UNC13C: variants seen among roughly 807,000 people sequenced by gnomAD.
The protein encoded by UNC13C is unc-13 homolog C, also known as protein unc-13 homolog C.
Under a neutral mutation model 245.4 loss-of-function variants are expected in UNC13C, and 174 were observed. The observed-to-expected ratio is 0.71, with a 90% CI of 0.63 to 0.80. UNC13C has a LOEUF of 0.80. UNC13C is among the 30% of genes least tolerant of loss of function. UNC13C has a pLI of 0.00. For missense variants in UNC13C, 2,829 were observed against 2,602.9 expected (o/e 1.09, Z -1.89); for synonymous variants, 992 against 895.1 (o/e 1.11, Z -1.93).
intron 1 of UNC13C, among the ~76,000 whole-genome samples, chr15:53,997,758 G>A (rs1894701575): frequency 1.3e-5 from 2 of 151,786 alleles, no homozygotes; most frequent in African/African-American, 4.8e-5. Flanking sequence ...AGTAAATTTT[G>A]AAATTAGGTA....
At chr15:54,435,545 G>T (rs1203789325) in intron 19 of UNC13C, among the ~76,000 whole-genome samples, 2 of 151,600 alleles carry the variant, frequency 1.3e-5, no homozygotes, top group African/African-American at 4.8e-5. Context: ...CATGAACACA[G>T]GGAGGAGAAC....
intron 1 of UNC13C, among the ~76,000 whole-genome samples, chr15:53,994,770 G>T (rs950775964): frequency 6.6e-6 from 1 of 152,162 alleles, no homozygotes; most frequent in East Asian, 1.9e-4. Flanking sequence ...AATGTGTATA[G>T]TATAGTGTCT....
chr15:54,323,803 A>G (rs572491304), intron 14 of UNC13C, among the ~76,000 whole-genome samples: 2 of 152,222 alleles, frequency 1.3e-5, no homozygotes, highest in Admixed American at 1.3e-4. Flanking sequence ...AGCATGCTGC[A>G]CTATGAAATT....
chr15:54,622,954 G>A (rs959839204), intron 31 of UNC13C, among the ~76,000 whole-genome samples: 1 of 151,896 alleles, frequency 6.6e-6, no homozygotes, highest in Admixed American at 6.6e-5. Flanking sequence ...GCAAAACTAG[G>A]GCTGCCCAAT....
chr15:54,187,602 C>G (rs114277036), intron 4 of UNC13C, among the ~76,000 whole-genome samples: 3,313 of 152,250 alleles, frequency 0.022, 136 homozygotes, highest in African/African-American at 0.076. Flanking sequence ...CTCCTCTTCA[C>G]TGAATCTCTC....
At chr15:54,142,461 A>G (rs2032066494) in intron 2 of UNC13C, among the ~76,000 whole-genome samples, 1 of 152,228 alleles carries the variant, frequency 6.6e-6, no homozygotes. Flanking sequence ...TATGTGTAAG[A>G]TGGAATCAAC....
intron 14 of UNC13C, among the ~76,000 whole-genome samples, chr15:54,326,369 T>A (rs1485219885): frequency 1.3e-5 from 2 of 152,082 alleles, no homozygotes; most frequent in African/African-American, 4.8e-5. Context: ...ACTGAAAGTG[T>A]CATTTGCTGT....
chr15:53,910,114 A>G, the UNC13C span, among the ~76,000 whole-genome samples: 252 of 142,126 alleles, frequency 1.8e-3, 15 homozygotes, highest in African/African-American at 6.1e-3. Context: ...GCTTGAATTA[A>G]AAACTTTTTT....
the UNC13C span, among the ~76,000 whole-genome samples, chr15:53,930,605 A>G: frequency 3.3e-5 from 5 of 152,152 alleles, no homozygotes; most frequent in Non-Finnish European, 2.9e-5. Context: ...AAAACACCCT[A>G]TTGGTCTGTC....
chr15:54,071,631 A>G (rs529593609), intron 2 of UNC13C, among the ~76,000 whole-genome samples: 3 of 152,158 alleles, frequency 2.0e-5, no homozygotes, highest in African/African-American at 7.2e-5. Flanking sequence ...ACAGCAAGAT[A>G]AGAATGGTTC....
intron 2 of UNC13C, among the ~76,000 whole-genome samples, chr15:54,122,366 T>C (rs1467502052): frequency 6.6e-6 from 1 of 152,080 alleles, no homozygotes; most frequent in African/African-American, 2.4e-5. Context: ...TGTGAATAAA[T>C]GTTTAATTTT....
At chr15:54,574,119 C>T (rs576095522) in intron 30 of UNC13C, among the ~76,000 whole-genome samples, 2 of 152,118 alleles carry the variant, frequency 1.3e-5, no homozygotes, top group East Asian at 3.9e-4. Flanking sequence ...ACCACATAAC[C>T]CCCTATTTTA....
rs571331541 is a variant in UNC13C, at chr15:54,244,736, G to A, written c.3229-5489G>A. ...GTATTTTATTCTTTTTGTAGCAATTGTGAATGGGAGTCTGTTCACAATTTG... is the reference window on the plus strand; with the variant it reads ...GTATTTTATTCTTTTTGTAGCAATTATGAATGGGAGTCTGTTCACAATTTG... On this transcript the variant is annotated intron_variant, in intron 7 of 32. Transcript: ENST00000260323. 1.5e-3 allele frequency among the ~76,000 whole-genome samples: 232 copies of A among 152,220 alleles called. 1 individual carries two copies. Among genetic ancestry groups the A allele is most frequent in the African/African-American group, 5.4e-3 (223 of 41,532 alleles).
chr15:54,028,936 A>G (rs910936982), intron 2 of UNC13C, among the ~76,000 whole-genome samples: 1 of 152,160 alleles, frequency 6.6e-6, no homozygotes, highest in East Asian at 1.9e-4. Flanking sequence ...TACATAAAAG[A>G]TGAATTTTCA....
At chr15:54,059,671 C>T (rs1460580755) in intron 2 of UNC13C, among the ~76,000 whole-genome samples, 8 of 152,024 alleles carry the variant, frequency 5.3e-5, no homozygotes, top group African/African-American at 1.9e-4. Flanking sequence ...CAATCCTAAG[C>T]CAAAAAAACA....
At chr15:54,223,267 G>A (rs369942924) in intron 4 of UNC13C, among the ~76,000 whole-genome samples, 45 of 152,120 alleles carry the variant, frequency 3.0e-4, no homozygotes, top group African/African-American at 7.2e-4. Flanking sequence ...TTTGATTTTC[G>A]TATACGGTGA....
At chr15:54,001,347 TGGA>T (rs1324374212) in intron 1 of UNC13C, among the ~76,000 whole-genome samples, 1 of 152,000 alleles carries the variant, frequency 6.6e-6, no homozygotes, top group African/African-American at 2.4e-5. Context: ...GTGACACAGA[TGGA>T]GGAGTGCATT....
At chr15:53,912,391 A>T in the UNC13C span, 1 of 152,246 alleles carries the variant, frequency 6.6e-6, no homozygotes, top group Non-Finnish European at 1.5e-5. Flanking sequence ...CTGGTCCCCT[A>T]CTAATGTACA....
intron 26 of UNC13C, among the ~76,000 whole-genome samples, chr15:54,545,107 C>A (rs951358093): frequency 3.3e-5 from 5 of 152,092 alleles, no homozygotes; most frequent in Non-Finnish European, 1.5e-5. Context: ...GATATATAGA[C>A]CAATGGAACA....
Sources: allele counts gnomAD v4.1 joint callset (sites outside exome capture counted in the v4.1 genomes callset), GRCh38; gene constraint gnomAD v4.1.1; transcripts MANE v1.5; gene names NCBI Gene and HGNC (gene_info 2026-07-23, HGNC 2026-07-21).